The following EBPL variants were observed in gnomAD, a reference collection of about 807,000 sequenced individuals.
EBPL encodes EBP like.
Under a neutral mutation model 19.0 loss-of-function variants are expected in EBPL, and 20 were observed. The observed-to-expected ratio is 1.05, with a 90% CI of 0.74 to 1.53. The LOEUF (loss-of-function observed/expected upper bound fraction) is 1.53, where lower values mean the gene tolerates loss of function less well. Ranked by LOEUF, EBPL falls within the 40% of genes most tolerant of loss-of-function variation. The probability of loss-of-function intolerance (pLI) is 0.00; values close to 1 mark genes in which losing one functional copy is unlikely to be tolerated. For synonymous variants in EBPL, 107 were observed against 117.0 expected, an observed-to-expected ratio of 0.91 and a Z score of 0.55; for missense variants, 219 against 261.1, an observed-to-expected ratio of 0.84 and a Z score of 1.11.
chr13:49,672,469 G>A (rs771183780), intron 1 of EBPL, among the ~76,000 whole-genome samples: 5 of 152,130 alleles, frequency 3.3e-5, no homozygotes, highest in Non-Finnish European at 7.3e-5. Context: ...AGTTCTCTGA[G>A]GGCCAATTCT....
intron 1 of EBPL, among the ~76,000 whole-genome samples, chr13:49,682,895 C>T (rs1463233203): frequency 6.6e-6 from 1 of 152,156 alleles, no homozygotes; most frequent in Non-Finnish European, 1.5e-5. Context: ...TCCCCCACCG[C>T]CCCAGGCTCC....
At chr13:49,671,507 T>C (rs945058071) in intron 1 of EBPL, among the ~76,000 whole-genome samples, 1 of 152,208 alleles carries the variant, frequency 6.6e-6, no homozygotes, top group African/African-American at 2.4e-5. Flanking sequence ...TTTTAACAAA[T>C]AAGTACTCCC....
At chr13:49,678,380 AG>A (rs1489476896) in intron 1 of EBPL, among the ~76,000 whole-genome samples, 1 of 152,190 alleles carries the variant, frequency 6.6e-6, no homozygotes, top group Non-Finnish European at 1.5e-5. Flanking sequence ...GCTGCGGAGC[AG>A]GGGGCAGTGC....
At chr13:49,673,291 A>T (rs897455926) in intron 1 of EBPL, among the ~76,000 whole-genome samples, 1 of 152,192 alleles carries the variant, frequency 6.6e-6, no homozygotes, top group Admixed American at 6.5e-5. Flanking sequence ...ACAGTTGGGT[A>T]TTTCTCCCAG....
Position 49,663,092 on chromosome 13 carries a change from G to T in EBPL, c.345C>A (p.Phe115Leu). ...TTTCTTTGACTATGGCATAAATGAG[G>T]AACAATGCCAGAGACCCATCCAGGG... The part of the protein sequence containing the change: ...TVALDGSLAL[F>L]LIYAIVKEKY... The change falls in exon 3 of 4, where the codon TTC (phenylalanine) becomes TTA (leucine). Residue 115 changes from phenylalanine (F) to leucine (L), a missense_variant. Physicochemically the swap from Phe to Leu is conservative, Grantham distance 22. Transcript: ENST00000242827. The T allele has an allele frequency of 6.2e-7, 1 of 1,614,146 alleles. No individual in the cohort carries two copies. The highest frequency in any genetic ancestry group is 8.5e-7 in the Non-Finnish European group (1 of 1,180,028).
chr13:49,662,293 GTC>G (rs929740324), intron 3 of EBPL, among the ~76,000 whole-genome samples: 3 of 152,156 alleles, frequency 2.0e-5, no homozygotes, highest in Non-Finnish European at 4.4e-5. Flanking sequence ...ACCGCACCTG[GTC>G]TCTCTGCACT....
chr13:49,665,217 T>C (rs1383095582), intron 2 of EBPL, among the ~76,000 whole-genome samples: 3 of 151,898 alleles, frequency 2.0e-5, no homozygotes, highest in African/African-American at 7.2e-5. Context: ...TTCAAGTGAT[T>C]CTCCAGCCTC....
intron 1 of EBPL, among the ~76,000 whole-genome samples, chr13:49,685,707 T>C (rs2137510982): frequency 6.6e-6 from 1 of 152,180 alleles, no homozygotes; most frequent in African/African-American, 2.4e-5. Flanking sequence ...ACCGTGTCTC[T>C]ACTAAAAATA....
chr13:49,674,842 C>T (rs1319542469), intron 1 of EBPL, among the ~76,000 whole-genome samples: 2 of 152,082 alleles, frequency 1.3e-5, no homozygotes, highest in African/African-American at 2.4e-5. Context: ...CCTGCTCAGC[C>T]CTGTGGCACA....
chr13:49,687,133 G>A (rs1338547091), intron 1 of EBPL, among the ~76,000 whole-genome samples: 1 of 152,064 alleles, frequency 6.6e-6, no homozygotes, highest in Non-Finnish European at 1.5e-5. Context: ...GAGGACCCCC[G>A]ACTCATAGTT....
chr13:49,679,065 G>C (rs1480817516), intron 1 of EBPL, among the ~76,000 whole-genome samples: 1 of 146,144 alleles, frequency 6.8e-6, no homozygotes, highest in Non-Finnish European at 1.5e-5. Flanking sequence ...ACCACACAAA[G>C]ACCGAAGATC....
chr13:49,686,772 A>AT (rs1446697098), intron 1 of EBPL, among the ~76,000 whole-genome samples: 2 of 151,622 alleles, frequency 1.3e-5, no homozygotes, highest in African/African-American at 4.8e-5. Context: ...CTCAATTTAC[A>AT]TTTTTCAATT....
At chr13:49,662,720 C>T (rs1965168043) in intron 3 of EBPL, among the ~76,000 whole-genome samples, 1 of 151,812 alleles carries the variant, frequency 6.6e-6, no homozygotes. Context: ...GCAGCCTTGA[C>T]CTCCTAAGCC....
intron 1 of EBPL, among the ~76,000 whole-genome samples, chr13:49,670,542 A>C (rs1293947473): frequency 2.0e-5 from 3 of 152,210 alleles, no homozygotes; most frequent in African/African-American, 7.2e-5. Flanking sequence ...CCTTTTAAAC[A>C]ATCATTTGTA....
At chr13:49,679,702 G>A (rs942030) in intron 1 of EBPL, among the ~76,000 whole-genome samples, 95,699 of 151,578 alleles carry the variant, frequency 0.63, 31,970 homozygotes, top group East Asian at 0.77. Flanking sequence ...ACGGGGTCTC[G>A]TTATGTGGTT....
intron 1 of EBPL, among the ~76,000 whole-genome samples, chr13:49,685,718 C>T (rs1172161177): frequency 6.6e-6 from 1 of 152,052 alleles, no homozygotes; most frequent in East Asian, 1.9e-4. Flanking sequence ...ACTAAAAATA[C>T]AAAAATTAGC....
Position 49,691,326 on chromosome 13 carries a change from G to A in EBPL, c.99C>T (p.Gly33=), listed in dbSNP as rs1954062525. ...CGCGGTCCGCCGCCCCCTGCCCGCGGCCCAGGCGCAGGCCCAGGGCGCAGC... is the reference window on the plus strand; with the variant it reads ...CGCGGTCCGCCGCCCCCTGCCCGCGACCCAGGCGCAGGCCCAGGGCGCAGC... The part of the protein sequence containing the change: ...AAGCALGLRL[G]RGQGAADRGA... Residue 33 remains glycine, a synonymous_variant, in exon 1 of 4, where the codon GGC becomes GGT. Coordinates refer to ENST00000242827, the MANE Select transcript of EBPL (RefSeq NM_032565.5). The A allele has an allele frequency of 5.8e-6, 8 of 1,367,880 alleles. No individual in the cohort carries two copies. Among genetic ancestry groups the A allele is most frequent in the South Asian group, 1.9e-5 (1 of 53,704 alleles). 84.7% of individuals were successfully genotyped at this position (1,367,880 alleles called of 1,614,324 possible). A position where few individuals can be genotyped will look rare whatever the true frequency, so the allele number is the denominator to read the frequency against.
chr13:49,672,016 T>C (rs1953823043), intron 1 of EBPL, among the ~76,000 whole-genome samples: 1 of 152,210 alleles, frequency 6.6e-6, no homozygotes, highest in South Asian at 2.1e-4. Context: ...GACCTCCTAG[T>C]GAGAATTAAT....
At chr13:49,670,630 C>G (rs115336807) in intron 1 of EBPL, among the ~76,000 whole-genome samples, 1 of 152,200 alleles carries the variant, frequency 6.6e-6, no homozygotes, top group Non-Finnish European at 1.5e-5. Flanking sequence ...GCGGTGATTT[C>G]ATAATATACT....
Sources: gnomAD v4.1 joint callset for allele counts (sites outside exome capture counted in the v4.1 genomes callset) on GRCh38, gnomAD v4.1.1 for gene constraint, MANE v1.5 for transcripts, NCBI Gene and HGNC (gene_info 2026-07-23, HGNC 2026-07-21) for gene names.